Variants in RORA observed in about 807,000 individuals in gnomAD.
RORA encodes the protein nuclear receptor ROR-alpha.
A neutral mutation model predicts 69.5 loss-of-function variants in RORA; 7 were observed. The ratio of observed to expected loss-of-function variants is 0.10; its 90% CI spans 0.06 to 0.19. RORA has a LOEUF of 0.19. RORA is among the 10% of genes least tolerant of loss of function. The probability of loss-of-function intolerance (pLI) is 1.00; values close to 1 mark genes in which losing one functional copy is unlikely to be tolerated. For missense variants in RORA, 457 were observed against 663.0 expected, an observed-to-expected ratio of 0.69 and a Z score of 3.41; for synonymous variants, 261 against 240.8, an observed-to-expected ratio of 1.08 and a Z score of -0.78.
intron 2 of RORA, among the ~76,000 whole-genome samples, chr15:60,641,013 C>T (rs1380489586): frequency 2.0e-5 from 3 of 152,104 alleles, no homozygotes; most frequent in Non-Finnish European, 4.4e-5. Context: ...AGTTCAGTGG[C>T]GTGATCTCAG....
chr15:61,205,660 G>A (rs1271175757), intron 1 of RORA, among the ~76,000 whole-genome samples: 1 of 152,164 alleles, frequency 6.6e-6, no homozygotes, highest in Admixed American at 6.5e-5. Flanking sequence ...GCTGGCACAG[G>A]AACAGCCAGA....
chr15:60,531,868 C>T lies in RORA; in HGVS notation c.197-17G>A, dbSNP rs2066535477. 3 of 1,522,604 alleles carry T rather than the reference C, an allele frequency of 2.0e-6. No homozygotes were observed. In the East Asian group the frequency reaches 6.9e-5, roughly 35 times the overall value. 94.3% of individuals were successfully genotyped at this position (1,522,604 alleles called of 1,614,324 possible). A position where few individuals can be genotyped will look rare whatever the true frequency, so the allele number is the denominator to read the frequency against. The stretch of plus-strand genomic sequence containing the variant: ...CAATTTGAGCTGCAACAGAAGCACG[C>T]AACCAGTTAATTACATTTTCTTTTA... On this transcript the variant is annotated splice_polypyrimidine_tract_variant and intron_variant, in intron 2 of 10. Transcript: ENST00000335670. The surrounding 1 kb of genome is among the most constrained non-coding windows in gnomAD (Gnocchi z 4.8).
Position 61,128,497 on chromosome 15 carries a change from T to C in RORA, c.166+100556A>G, listed in dbSNP as rs544861993. Among the ~76,000 whole-genome samples the C allele has an allele frequency of 9.9e-5, 15 of 152,268 alleles. No individual in the cohort carries two copies. Among genetic ancestry groups the C allele is most frequent in the Non-Finnish European group, 1.9e-4 (13 of 68,022 alleles). On this transcript the variant is annotated intron_variant, in intron 1 of 10. Transcript: ENST00000335670. The surrounding 1 kb of genome is among the most constrained non-coding windows in gnomAD (Gnocchi z 4.5). Reference sequence around the variant, plus strand: ...GGGCATCCACACAAATGAATATAATTACAGATACCATGAGCACAGACCTAT... The same window carrying C: ...GGGCATCCACACAAATGAATATAATCACAGATACCATGAGCACAGACCTAT...
chr15:60,965,844 C>T (rs1248936510), intron 1 of RORA, among the ~76,000 whole-genome samples: 2 of 152,164 alleles, frequency 1.3e-5, no homozygotes, highest in Non-Finnish European at 2.9e-5. Context: ...ACACTTATGA[C>T]CCTACTACGA....
chr15:60,770,445 G>T (rs1375399332), intron 1 of RORA, among the ~76,000 whole-genome samples: 2 of 152,078 alleles, frequency 1.3e-5, no homozygotes, highest in East Asian at 3.9e-4. Context: ...AGGGACAACT[G>T]CCTCATTTGT....
At chr15:60,678,522 T>G in intron 2 of RORA, 135 bp downstream of exon 2, 1 of 717,624 alleles carries the variant, frequency 1.4e-6, no homozygotes, top group Non-Finnish European at 2.5e-6. Flanking sequence ...CACTACAGAT[T>G]GAAAAAAAAT....
chr15:60,539,439 G>C (rs1045655135), intron 2 of RORA, among the ~76,000 whole-genome samples: 2 of 152,208 alleles, frequency 1.3e-5, no homozygotes, highest in Admixed American at 6.5e-5. Flanking sequence ...TGTCAAATCA[G>C]AGAGGAAACA....
At position 61,053,848 on chromosome 15, in the gene RORA, GATAT is replaced by G. The variant is rs3053963; in HGVS notation, c.166+175201_166+175204del. Among the ~76,000 whole-genome samples, 9 of 90,982 alleles carry G rather than the reference GATAT, an allele frequency of 9.9e-5. No individual in the cohort carries two copies. The South Asian group carries it at 2.7e-3, about 27-fold the overall frequency. The allele number at this position is 90,982 out of a possible 152,430, so 59.7% of individuals were successfully genotyped here. ...AGCATGAAGAGTGTTTAGACTTCAT[GATAT>G]ATATATATATAAACATTCTTCAGGG... On this transcript the variant is annotated intron_variant, in intron 1 of 10. Coordinates refer to ENST00000335670, the MANE Select transcript of RORA (RefSeq NM_134261.3).
At chr15:60,883,735 AGATT>A (rs1164297046) in intron 1 of RORA, among the ~76,000 whole-genome samples, 1 of 152,266 alleles carries the variant, frequency 6.6e-6, no homozygotes, top group Admixed American at 6.5e-5. Context: ...AATAGAAGAT[AGATT>A]GTGTTGTTTG....
chr15:60,501,445 G>C (rs74020720), intron 8 of RORA, among the ~76,000 whole-genome samples: 5,413 of 152,008 alleles, frequency 0.036, 351 homozygotes, highest in African/African-American at 0.13. Flanking sequence ...ATGAAGGAGG[G>C]ATTATTATTA....
chr15:60,860,011 G>A (rs1041945606), intron 1 of RORA, among the ~76,000 whole-genome samples: 1 of 152,114 alleles, frequency 6.6e-6, no homozygotes, highest in Non-Finnish European at 1.5e-5. Flanking sequence ...AACCTGGACC[G>A]GGAACAGAAC....
intron 1 of RORA, among the ~76,000 whole-genome samples, chr15:60,843,223 A>G (rs2073223014): frequency 6.6e-6 from 1 of 152,146 alleles, no homozygotes; most frequent in African/African-American, 2.4e-5. Flanking sequence ...CAAATCTCAG[A>G]GTCCCCATGT....
chr15:61,083,750 A>T (rs2078580265), intron 1 of RORA, among the ~76,000 whole-genome samples: 1 of 151,944 alleles, frequency 6.6e-6, no homozygotes, highest in Non-Finnish European at 1.5e-5. Flanking sequence ...CTCTTCCCAG[A>T]AAAAATCAAA....
intron 1 of RORA, among the ~76,000 whole-genome samples, chr15:61,003,899 G>C (rs551825113): frequency 6.6e-6 from 1 of 152,118 alleles, no homozygotes; most frequent in Non-Finnish European, 1.5e-5. Context: ...AGAACGAGTA[G>C]GGAAAGGAAT....
At chr15:61,003,998 C>CAA (rs35500637) in intron 1 of RORA, among the ~76,000 whole-genome samples, 1,977 of 145,480 alleles carry the variant, frequency 0.014, 40 homozygotes, top group African/African-American at 0.044. Flanking sequence ...TTTCATGGCC[C>CAA]AAAAAAAAAA....
intron 1 of RORA, among the ~76,000 whole-genome samples, chr15:60,832,251 A>G (rs981944278): frequency 2.0e-4 from 30 of 151,794 alleles, no homozygotes; most frequent in African/African-American, 7.1e-4. Context: ...TGAGGCTGAC[A>G]ATCTGCACTC....
chr15:60,809,077 G>T (rs989556097), intron 1 of RORA, among the ~76,000 whole-genome samples: 1 of 152,126 alleles, frequency 6.6e-6, no homozygotes, highest in Admixed American at 6.5e-5. Context: ...AGGGTACACT[G>T]CTCGGGTGAT....
rs547170533 is a variant in RORA, at chr15:61,229,176, G to T, written c.43C>A (p.Pro15Thr). The change falls in exon 1 of 11, where the codon CCA becomes ACA. Residue 15 changes from proline (P) to threonine (T), a missense_variant. Physicochemically the swap from Pro to Thr is conservative, Grantham distance 38. Around this residue, in one of 3 missense-constraint regions of RORA, gnomAD observed 119 missense variants for 92.4 expected, o/e 1.29. Transcript: ENST00000335670. ...GCCGCGTCCGCGCCGCTGCTGCCTGGCTCGCTGGCGGCGGGGTCGGGGGCT... is the reference window on the plus strand; with the variant it reads ...GCCGCGTCCGCGCCGCTGCTGCCTGTCTCGCTGGCGGCGGGGTCGGGGGCT... ...PAAPDPAASE[P>T]GSSGADAAAG... 40 of 1,554,988 alleles carry T rather than the reference G, an allele frequency of 2.6e-5. 3 individuals are homozygous for T. In the South Asian group the frequency reaches 4.6e-4, roughly 18 times the overall value.
rs369752908 is a variant in RORA, at chr15:61,095,100, G to A, written c.166+133953C>T. Among the ~76,000 whole-genome samples the A allele has an allele frequency of 2.6e-5, 4 of 152,322 alleles. No individual in the cohort carries two copies. In the South Asian group the frequency reaches 6.2e-4, roughly 24 times the overall value. On this transcript the variant is annotated intron_variant, in intron 1 of 10. Transcript: ENST00000335670. ...AATTCAGGGCATGGATGAACAGAAT[G>A]TCCTTTGGGTGTAAAGGTGTAAAGC...
Sources: gnomAD v4.1 joint callset for allele counts (sites outside exome capture counted in the v4.1 genomes callset) on GRCh38, gnomAD v4.1.1 for gene constraint, gnomAD v4.1.1 regional missense constraint, Gnocchi (gnomAD v3.1) non-coding constraint, MANE v1.5 for transcripts, NCBI Gene and HGNC (gene_info 2026-07-23, HGNC 2026-07-21) for gene names.